ZBTB20: variants seen among roughly 807,000 people sequenced by gnomAD.
ZBTB20 encodes the protein zinc finger and BTB domain-containing protein 20.
ZBTB20 carries 9 observed loss-of-function variants against 56.9 expected under a neutral mutation model. The observed-to-expected ratio is 0.16, with a 90% CI of 0.10 to 0.28. The LOEUF is 0.28. Ranked by LOEUF, ZBTB20 falls within the 10% of genes least tolerant of loss-of-function variation. The pLI, the probability that ZBTB20 is intolerant of heterozygous loss-of-function variation, is 1.00. For synonymous variants in ZBTB20, 417 were observed against 420.7 expected, an observed-to-expected ratio of 0.99 and a Z score of 0.11; for missense variants, 655 against 1,003.0, an observed-to-expected ratio of 0.65 and a Z score of 4.69.
intron 7 of ZBTB20, chr3:114,445,401 C>T (rs1334695611): frequency 6.6e-6 from 1 of 152,148 alleles, no homozygotes; most frequent in Non-Finnish European, 1.5e-5. Context: ...CTATGTCTCA[C>T]CCTTCTGACC....
chr3:114,679,979 CTTGCAGGGACA>C (rs1390095966), intron 6 of ZBTB20, among the ~76,000 whole-genome samples: 4 of 152,090 alleles, frequency 2.6e-5, no homozygotes, highest in Non-Finnish European at 5.9e-5. Context: ...CATCATGTCC[CTTGCAGGGACA>C]TGGATGAAGC....
chr3:114,907,949 G>T (rs1022835760), intron 3 of ZBTB20, among the ~76,000 whole-genome samples: 1 of 151,822 alleles, frequency 6.6e-6, no homozygotes, highest in Non-Finnish European at 1.5e-5. Flanking sequence ...GTAAATGATG[G>T]GATTGGGAGT....
chr3:114,654,430 T>C (rs918904835), intron 6 of ZBTB20, among the ~76,000 whole-genome samples: 4 of 151,970 alleles, frequency 2.6e-5, no homozygotes, highest in Non-Finnish European at 4.4e-5. Flanking sequence ...TCTAGATATT[T>C]TATTGTTTTC....
intron 6 of ZBTB20, among the ~76,000 whole-genome samples, chr3:114,679,640 G>T (rs1045380124): frequency 1.3e-5 from 2 of 152,126 alleles, no homozygotes; most frequent in African/African-American, 4.8e-5. Context: ...AACAACAGAT[G>T]CTGGAAAGGA....
chr3:114,764,643 C>G (rs751026784), intron 5 of ZBTB20, among the ~76,000 whole-genome samples: 4 of 152,186 alleles, frequency 2.6e-5, no homozygotes, highest in Non-Finnish European at 5.9e-5. Context: ...CAAAAGGGAA[C>G]TGTGATTTTC....
chr3:114,702,843 G>A (rs967859518), intron 5 of ZBTB20, among the ~76,000 whole-genome samples: 1 of 152,062 alleles, frequency 6.6e-6, no homozygotes, highest in Non-Finnish European at 1.5e-5. Context: ...GTAAATAACA[G>A]AATTTAAAAA....
chr3:114,460,081 G>A lies in ZBTB20; in HGVS notation c.-255+40271C>T, dbSNP rs116284981. ...AAAAAAACTTGGTAGAAGTGAACTA[G>A]TGCTGGAACCCAGTCTGTCTGTCCC... On this transcript the variant is annotated intron_variant, in intron 7 of 11. Coordinates refer to ENST00000675478, the MANE Select transcript of ZBTB20 (RefSeq NM_001348800.3). 2.8e-3 allele frequency among the ~76,000 whole-genome samples: 425 copies of A among 152,186 alleles called. 2 individuals are homozygous for A. Among genetic ancestry groups the A allele is most frequent in the African/African-American group, 9.8e-3 (405 of 41,522 alleles).
At chr3:114,368,084 C>T (rs1435116675) in intron 10 of ZBTB20, among the ~76,000 whole-genome samples, 2 of 152,168 alleles carry the variant, frequency 1.3e-5, no homozygotes, top group Non-Finnish European at 2.9e-5. Flanking sequence ...ATTCACGGAG[C>T]GCTGGCTGTT....
intron 4 of ZBTB20, among the ~76,000 whole-genome samples, chr3:114,839,172 G>A (rs1055465920): frequency 3.3e-5 from 5 of 152,040 alleles, no homozygotes; most frequent in East Asian, 1.9e-4. Flanking sequence ...AGGCCAAAGT[G>A]GGCAGATTGT....
At chr3:114,605,267 T>A (rs1408542768) in intron 6 of ZBTB20, among the ~76,000 whole-genome samples, 1 of 152,202 alleles carries the variant, frequency 6.6e-6, no homozygotes, top group East Asian at 1.9e-4. Context: ...CTTTCTCATG[T>A]TTGTATTGAG....
intron 1 of ZBTB20, among the ~76,000 whole-genome samples, chr3:115,116,962 C>G (rs1205397269): frequency 6.6e-6 from 1 of 152,042 alleles, no homozygotes; most frequent in Non-Finnish European, 1.5e-5. Flanking sequence ...TAGGGTGACA[C>G]CATAGCTTGC....
chr3:114,454,782 C>A, intron 7 of ZBTB20: 1 of 152,308 alleles, frequency 6.6e-6, no homozygotes. Flanking sequence ...CTCCCCCCAC[C>A]CCTCCTCCTC....
chr3:115,063,300 A>G (rs1486114339), intron 2 of ZBTB20, among the ~76,000 whole-genome samples: 2 of 152,186 alleles, frequency 1.3e-5, no homozygotes, highest in Non-Finnish European at 2.9e-5. Context: ...AACAACAAAA[A>G]TGTATTTCTC....
At chr3:114,610,394 T>A (rs1257510316) in intron 6 of ZBTB20, among the ~76,000 whole-genome samples, 2 of 152,214 alleles carry the variant, frequency 1.3e-5, no homozygotes, top group African/African-American at 2.4e-5. Context: ...GTCATTCCAT[T>A]GCAGGCCGAT....
chr3:114,507,396 G>A (rs1025192264), intron 6 of ZBTB20, among the ~76,000 whole-genome samples: 7 of 152,092 alleles, frequency 4.6e-5, no homozygotes, highest in African/African-American at 1.4e-4. Flanking sequence ...AAAAGCAAAT[G>A]TTTGAAAAAC....
intron 3 of ZBTB20, among the ~76,000 whole-genome samples, chr3:114,901,142 C>T (rs768128859): frequency 4.6e-5 from 7 of 152,042 alleles, no homozygotes; most frequent in African/African-American, 7.2e-5. Flanking sequence ...TGGTGGCTCA[C>T]GCCTGTAATC....
chr3:114,836,918 C>T (rs1470442716), intron 4 of ZBTB20, among the ~76,000 whole-genome samples: 1 of 152,150 alleles, frequency 6.6e-6, no homozygotes, highest in Admixed American at 6.6e-5. Flanking sequence ...AATTCAAAAC[C>T]ATGACCAGTA....
rs912901696 is a variant in ZBTB20, at chr3:114,336,191, T to G, written c.*2814A>C. The stretch of plus-strand genomic sequence containing the variant: ...TATTGAGTGATTTCATGTCATTGTC[T>G]CCTAGCTTTAAGAGTTTTTTTCTTA... On this transcript the variant is annotated 3_prime_UTR_variant, in exon 12 of 12. Transcript: ENST00000675478. 4 of 152,246 alleles carry G rather than the reference T, an allele frequency of 2.6e-5. No individual in the cohort carries two copies. Among genetic ancestry groups the G allele is most frequent in the African/African-American group, 7.2e-5 (3 of 41,462 alleles). 9.4% of individuals were successfully genotyped at this position (152,246 alleles called of 1,614,324 possible). A position where few individuals can be genotyped will look rare whatever the true frequency, so the allele number is the denominator to read the frequency against.
At chr3:115,079,508 C>T (rs2082720357) in intron 1 of ZBTB20, among the ~76,000 whole-genome samples, 1 of 152,172 alleles carries the variant, frequency 6.6e-6, no homozygotes, top group African/African-American at 2.4e-5. Flanking sequence ...CCTGCCTCAG[C>T]CTCCTGAGTA....
Sources: gnomAD v4.1 joint callset for allele counts (sites outside exome capture counted in the v4.1 genomes callset) on GRCh38, gnomAD v4.1.1 for gene constraint, MANE v1.5 for transcripts, NCBI Gene and HGNC (gene_info 2026-07-23, HGNC 2026-07-21) for gene names.